Variants in HNRNPU observed in about 807,000 individuals in gnomAD.
The protein encoded by HNRNPU is HNRNPU antisense RNA 1.
A neutral mutation model predicts 94.7 loss-of-function variants in HNRNPU; 5 were observed. The ratio of observed to expected loss-of-function variants is 0.05; its 90% CI spans 0.03 to 0.11. HNRNPU has a LOEUF of 0.11. Ranked by LOEUF, HNRNPU falls within the 10% of genes least tolerant of loss-of-function variation. The probability of loss-of-function intolerance (pLI) is 1.00; values close to 1 mark genes in which losing one functional copy is unlikely to be tolerated. For synonymous variants in HNRNPU, 434 were observed against 381.6 expected (o/e 1.14, Z -1.60); for missense variants, 710 against 1,049.2 (o/e 0.68, Z 4.47).
intron 13 of HNRNPU, 59 bp downstream of exon 13, chr1:244,854,914 T>TA (rs1553281986): frequency 9.2e-6 from 12 of 1,302,484 alleles, no homozygotes; most frequent in African/African-American, 2.9e-5. Flanking sequence ...TCAAGACTGA[T>TA]AAATCTTAGG....
At chr1:244,859,190 C>A (rs1177103400) in intron 5 of HNRNPU, 85 bp downstream of exon 5, 13 of 722,480 alleles carry the variant, frequency 1.8e-5, no homozygotes, top group Non-Finnish European at 2.0e-5. Flanking sequence ...AGACAAAAGG[C>A]TTAGAATGCC....
chr1:244,859,008 G>C, intron 5 of HNRNPU, 167 bp from the exon 6 acceptor site: 1 of 596,252 alleles, frequency 1.7e-6, no homozygotes, highest in East Asian at 2.8e-5. Flanking sequence ...TGGAAGTTAG[G>C]AGGGATATAT....
chr1:244,858,719 T>G lies in HNRNPU; in HGVS notation c.1230+10A>C, dbSNP rs1383613958. 6.9e-7 allele frequency: 1 copy of G among 1,454,548 alleles called. No individual in the cohort carries two copies. The highest frequency in any genetic ancestry group is 9.6e-7 in the Non-Finnish European group (1 of 1,037,212). 90.1% of individuals were successfully genotyped at this position (1,454,548 alleles called of 1,614,324 possible). A position where few individuals can be genotyped will look rare whatever the true frequency, so the allele number is the denominator to read the frequency against. On this transcript the variant is annotated intron_variant, in intron 6 of 13. Transcript: ENST00000640218. ...TGCCATTTATACATAGAAAGTTAGCTTTAACTTACAGCAAAACATGTAATC... is the reference window on the plus strand; with the variant it reads ...TGCCATTTATACATAGAAAGTTAGCGTTAACTTACAGCAAAACATGTAATC...
At chr1:244,855,868 C>A (rs1558186193) in intron 11 of HNRNPU, 36 bp downstream of exon 11, 1 of 1,604,312 alleles carries the variant, frequency 6.2e-7, no homozygotes, top group East Asian at 2.2e-5. Flanking sequence ...TTGTTTCGAT[C>A]CTGAACTAAA....
rs777509582 is a variant in HNRNPU at position 244,855,920 on chromosome 1, T to C, written c.2151A>G (p.Gly717=). 6.2e-7 allele frequency: 1 copy of C among 1,613,854 alleles called. No individual in the cohort carries two copies. Among genetic ancestry groups the C allele is most frequent in the Non-Finnish European group, 8.5e-7 (1 of 1,179,896 alleles). ...RGRGGFNMRG[G]NFRGGAPGNR... is the part of the protein sequence containing the mutation. ...TTAACTTGCCTCCTCCTCTGAAATT[T>C]CCACCACGCATATTGAATCCTCCAC... The change falls in exon 11 of 14, where the codon GGA becomes GGG. Residue 717 remains glycine (G), a synonymous_variant. Coordinates refer to ENST00000640218, the MANE Select transcript of HNRNPU (RefSeq NM_031844.3).
chr1:244,850,517 T>G lies in HNRNPU; in HGVS notation c.*3933A>C, dbSNP rs1680514685. On this transcript the variant is annotated 3_prime_UTR_variant, in exon 14 of 14. Coordinates refer to ENST00000640218, the MANE Select transcript of HNRNPU (RefSeq NM_031844.3). ...AGCTTTAATAAAGGCACTGCAGCGT[T>G]AACTAAGTTTTAGGGTAAATTTAGG... The G allele has an allele frequency of 7.9e-6, 1 of 126,024 alleles. No homozygotes were observed. 7.8% of individuals were successfully genotyped at this position (126,024 alleles called of 1,614,324 possible).
rs1003243084 is a variant in HNRNPU at position 244,854,068 on chromosome 1, A to G, written c.*382T>C. 2.6e-5 allele frequency: 6 copies of G among 234,520 alleles called. No individual in the cohort carries two copies. The highest frequency in any genetic ancestry group is 5.0e-5 in the Non-Finnish European group (6 of 119,976). The allele number at this position is 234,520 out of a possible 1,614,324, so 14.5% of individuals were successfully genotyped here. ...CTAACATTTCTATTATATTGTGACA[A>G]TGACTCCCGACTGTTATTCTCTGTG... is the stretch of plus-strand genomic sequence containing the variant. On this transcript the variant is annotated 3_prime_UTR_variant, in exon 14 of 14. Transcript: ENST00000640218.
At chr1:244,862,908 A>C in intron 1 of HNRNPU, 178 bp from the exon 2 acceptor site, 1 of 633,028 alleles carries the variant, frequency 1.6e-6, no homozygotes, top group South Asian at 1.9e-5. Flanking sequence ...CTAGTGACGC[A>C]GTCTAAAGAC....
intron 2 of HNRNPU, 32 bp downstream of exon 2, chr1:244,862,587 G>A (rs1198151253): frequency 1.2e-6 from 2 of 1,606,372 alleles, no homozygotes; most frequent in Non-Finnish European, 1.7e-6. Context: ...GAACGAATAA[G>A]GGATGAGTAA....
rs188315778 is a variant in HNRNPU at position 244,856,654 on chromosome 1, C to T, written c.1744-29G>A. The stretch of plus-strand genomic sequence containing the variant: ...TAAAAAAAGAAATTTATGTTTACAA[C>T]CCTAAACATTAATTCTACACCAATC... On this transcript the variant is annotated intron_variant, in intron 9 of 13. Transcript: ENST00000640218. 3.7e-6 allele frequency: 6 copies of T among 1,610,764 alleles called. No individual in the cohort carries two copies. The African/African-American group carries it at 8.0e-5, about 22-fold the overall frequency.
chr1:244,860,738 G>C, intron 3 of HNRNPU: 1 of 523,116 alleles, frequency 1.9e-6, no homozygotes, highest in Non-Finnish European at 3.4e-6. Context: ...AAATAATCAA[G>C]ACAATGTGAC....
intron 3 of HNRNPU, chr1:244,862,151 A>C (rs1680847795): frequency 3.6e-6 from 1 of 276,244 alleles, no homozygotes; most frequent in Admixed American, 4.7e-5. Flanking sequence ...CTGTAAGGCT[A>C]AATTATAGGT....
At position 244,858,343 on chromosome 1, in the gene HNRNPU, A is replaced by C. The variant is rs1302608262; in HGVS notation, c.1231-69T>G. 4 of 1,416,626 alleles carry C rather than the reference A, an allele frequency of 2.8e-6. No homozygotes were observed. The African/African-American group carries it at 4.3e-5, about 15-fold the overall frequency. The allele number at this position is 1,416,626 out of a possible 1,614,324, so 87.8% of individuals were successfully genotyped here. ...AAACTTTCTAAAAAACTAAGAATTA[A>C]AATTAGGAGCAAAGCTTATCCTGTG... is the stretch of plus-strand genomic sequence containing the variant. On this transcript the variant is annotated intron_variant, in intron 6 of 13. Transcript: ENST00000640218.
chr1:244,862,381 A>T, intron 3 of HNRNPU, 80 bp downstream of exon 3: 1 of 959,470 alleles, frequency 1.0e-6, no homozygotes, highest in Non-Finnish European at 1.6e-6. Context: ...GCTGCACTTA[A>T]GCATTAAGAC....
At position 244,862,442 on chromosome 1, in the gene HNRNPU, G is replaced by A. The variant is rs956410047; in HGVS notation, c.877+19C>T. 1.9e-6 allele frequency: 3 copies of A among 1,552,888 alleles called. No homozygotes were observed. Among genetic ancestry groups the A allele is most frequent in the East Asian group, 2.2e-5 (1 of 44,462 alleles). ...ACCATCACCGCATTTCATAATTGGGGAGAAACAGCTTCACTTACAAGTATC... is the reference window on the plus strand; with the variant it reads ...ACCATCACCGCATTTCATAATTGGGAAGAAACAGCTTCACTTACAAGTATC... On this transcript the variant is annotated intron_variant, in intron 3 of 13. Coordinates refer to ENST00000640218, the MANE Select transcript of HNRNPU (RefSeq NM_031844.3).
chr1:244,851,787 T>C lies in HNRNPU; in HGVS notation c.*2663A>G, dbSNP rs1251499461. On this transcript the variant is annotated 3_prime_UTR_variant, in exon 14 of 14. Coordinates refer to ENST00000640218, the MANE Select transcript of HNRNPU (RefSeq NM_031844.3). ...GCCAGAGCCCTTCAAAGGCTGTATG[T>C]GAGTATATGAGGGAAAACTTTCCAC... The C allele has an allele frequency of 6.6e-6, 1 of 152,234 alleles. No individual in the cohort carries two copies. Among genetic ancestry groups the C allele is most frequent in the African/African-American group, 2.4e-5 (1 of 41,442 alleles). The allele number at this position is 152,234 out of a possible 1,614,324, so 9.4% of individuals were successfully genotyped here.
At chr1:244,861,709 TCTC>T (rs1364318171) in intron 3 of HNRNPU, 2 of 149,586 alleles carry the variant, frequency 1.3e-5, no homozygotes, top group Non-Finnish European at 2.9e-5. Context: ...AGTTGTACAT[TCTC>T]ATCACTAAAC....
chr1:244,860,555 A>G, intron 3 of HNRNPU, 81 bp from the exon 4 acceptor site: 1 of 1,105,454 alleles, frequency 9.0e-7, no homozygotes, highest in South Asian at 1.5e-5. Flanking sequence ...TGGTTACTTA[A>G]TTTTTGCATG....
At chr1:244,854,779 T>G (rs1297883455) in intron 13 of HNRNPU, 194 bp downstream of exon 13, 1 of 505,230 alleles carries the variant, frequency 2.0e-6, no homozygotes, top group Non-Finnish European at 3.5e-6. Context: ...TTAAAAAAAT[T>G]TAACTTATAG....
Sources: allele counts gnomAD v4.1 joint callset, GRCh38; gene constraint gnomAD v4.1.1; transcripts MANE v1.5; gene names NCBI Gene and HGNC (gene_info 2026-07-23, HGNC 2026-07-21).